The following PCOLCE variants were observed in gnomAD, a reference collection of about 807,000 sequenced individuals.
PCOLCE encodes the protein procollagen C-endopeptidase enhancer 1.
PCOLCE carries 33 observed loss-of-function variants against 47.2 expected under a neutral mutation model. That is an observed-to-expected ratio of 0.70 (90% CI 0.53 to 0.93). PCOLCE has a LOEUF of 0.93. Ranked by LOEUF, PCOLCE falls within the 40% of genes least tolerant of loss-of-function variation. The probability of loss-of-function intolerance (pLI) is 0.00; values close to 1 mark genes in which losing one functional copy is unlikely to be tolerated. For synonymous variants in PCOLCE, 254 were observed against 252.5 expected (o/e 1.01, Z -0.06); for missense variants, 584 against 585.3 (o/e 1.00, Z 0.02).
Position 100,605,214 on chromosome 7 carries a change from A to C in PCOLCE, c.587A>C (p.Gln196Pro). Residue 196 changes from glutamine (Q) to proline (P), a missense_variant and splice_region_variant, in exon 4 of 9, where the codon CAG (glutamine) becomes CCG (proline). Physicochemically the swap from Gln to Pro is moderately conservative, Grantham distance 76 (BLOSUM62 -1). Coordinates refer to ENST00000223061, the MANE Select transcript of PCOLCE (RefSeq NM_002593.4). The surrounding 1 kb of genome is among the most constrained non-coding windows in gnomAD (Gnocchi z 6.1). ...TGGCACATCATCGCGCCCCCGGACCAGGTACCGACCCTCCTCCCCGGGCTG... is the reference window on the plus strand; with the variant it reads ...TGGCACATCATCGCGCCCCCGGACCCGGTACCGACCCTCCTCCCCGGGCTG... Reference protein sequence around the residue: ...CSWHIIAPPDQVIALTFEKFD... With the variant: ...CSWHIIAPPDPVIALTFEKFD... 1 of 1,611,104 alleles carries C rather than the reference A, an allele frequency of 6.2e-7. No individual in the cohort carries two copies. The highest frequency in any genetic ancestry group is 8.5e-7 in the Non-Finnish European group (1 of 1,178,496).
At position 100,605,841 on chromosome 7, in the gene PCOLCE, G is replaced by T; in HGVS notation, c.725+29G>T. ...AGGGGCGGGACCTGGGCGAGTCCGG[G>T]AGAGAGTCGGCGGACCGCACGCACG... is the stretch of plus-strand genomic sequence containing the variant. On this transcript the variant is annotated intron_variant, in intron 5 of 8. Transcript: ENST00000223061. This position sits in a 1 kb window ranked among gnomAD's most constrained non-coding sequence, Gnocchi z 6.1. The T allele has an allele frequency of 2.6e-6, 4 of 1,545,362 alleles. No homozygotes were observed. The highest frequency in any genetic ancestry group is 3.5e-6 in the Non-Finnish European group (4 of 1,143,062).
chr7:100,605,014 T>A lies in PCOLCE; in HGVS notation c.464-77T>A. 1 of 1,058,264 alleles carries A rather than the reference T, an allele frequency of 9.4e-7. No homozygotes were observed. Among genetic ancestry groups the A allele is most frequent in the South Asian group, 1.4e-5 (1 of 69,300 alleles). The allele number at this position is 1,058,264 out of a possible 1,614,324, so 65.6% of individuals were successfully genotyped here. A position where few individuals can be genotyped will look rare whatever the true frequency, so the allele number is the denominator to read the frequency against. On this transcript the variant is annotated intron_variant, in intron 3 of 8. Transcript: ENST00000223061. This position sits in a 1 kb window ranked among gnomAD's most constrained non-coding sequence, Gnocchi z 6.1. The stretch of plus-strand genomic sequence containing the variant: ...AGACATCCGAGCTGCCTGCCGGGGC[T>A]CCCAGCCTAGAGTTCTCCTGAAGCT...
chr7:100,603,434 G>C lies in PCOLCE; in HGVS notation c.100G>C (p.Val34Leu), dbSNP rs1802647892. ...GACCCCTTTTCTGTTCTCCAGACCC[G>C]TGTTCCTGTGCGGAGGGGATGTGAA... ...QGQTPNYTRP[V>L]FLCGGDVKGE... is the part of the protein sequence containing the mutation. The change falls in exon 2 of 9, where the codon GTG becomes CTG. Residue 34 changes from valine (V) to leucine (L), a missense_variant. Physicochemically the swap from Val to Leu is conservative, Grantham distance 32. Coordinates refer to ENST00000223061, the MANE Select transcript of PCOLCE (RefSeq NM_002593.4). The C allele has an allele frequency of 1.3e-6, 2 of 1,521,834 alleles. No homozygotes were observed. Among genetic ancestry groups the C allele is most frequent in the Non-Finnish European group, 1.8e-6 (2 of 1,121,180 alleles). The allele number at this position is 1,521,834 out of a possible 1,614,324, so 94.3% of individuals were successfully genotyped here. A position where few individuals can be genotyped will look rare whatever the true frequency, so the allele number is the denominator to read the frequency against.
chr7:100,607,747 C>T lies in PCOLCE; in HGVS notation c.1123C>T (p.Pro375Ser), dbSNP rs747886014. Residue 375 changes from proline (P) to serine (S), a missense_variant, in exon 8 of 9, where the codon CCC (proline) becomes TCC (serine). Transcript: ENST00000223061. ...KTGGLDLPSPPTGASLKFYVP... is the reference protein window; with the variant it reads ...KTGGLDLPSPSTGASLKFYVP... ...TGGAGGACTGGACCTGCCTTCTCCA[C>T]CCACTGGTGCCTCCCTGAAGTTTTA... is the stretch of plus-strand genomic sequence containing the variant. 15 of 1,614,006 alleles carry T rather than the reference C, an allele frequency of 9.3e-6. No homozygotes were observed. The highest frequency in any genetic ancestry group is 1.6e-4 in the Middle Eastern group (1 of 6,082).
Position 100,604,209 on chromosome 7 carries a change from C to T in PCOLCE, c.455C>T (p.Ser152Leu). 1.2e-6 allele frequency: 2 copies of T among 1,611,102 alleles called. No individual in the cohort carries two copies. The highest frequency in any genetic ancestry group is 1.3e-5 in the African/African-American group (1 of 74,978). Residue 152 changes from serine (S) to leucine (L), a missense_variant, in exon 3 of 9, where the codon TCG becomes TTG. By Grantham distance (145) the Ser-to-Leu change is moderately radical. Coordinates refer to ENST00000223061, the MANE Select transcript of PCOLCE (RefSeq NM_002593.4). This position sits in a 1 kb window ranked among gnomAD's most constrained non-coding sequence, Gnocchi z 6.4. ...FLLWYSGRAT[S>L]GTEHQFCGGR... Reference sequence around the variant, plus strand: ...CTCTGGTACAGCGGGCGGGCCACCTCGGGCACTGGTGAGAACTCCCTCACC... The same window carrying T: ...CTCTGGTACAGCGGGCGGGCCACCTTGGGCACTGGTGAGAACTCCCTCACC...
Position 100,605,332 on chromosome 7 carries a change from G to T in PCOLCE, c.588+117G>T. ...CCCGAGCACTGCGCTTGCGCTGGTG[G>T]GCACCCAAAACAGCCCCAACCCCTG... is the stretch of plus-strand genomic sequence containing the variant. On this transcript the variant is annotated intron_variant, in intron 4 of 8. Coordinates refer to ENST00000223061, the MANE Select transcript of PCOLCE (RefSeq NM_002593.4). This position sits in a 1 kb window ranked among gnomAD's most constrained non-coding sequence, Gnocchi z 6.1. 1 of 1,117,002 alleles carries T rather than the reference G, an allele frequency of 9.0e-7. No individual in the cohort carries two copies. The allele number at this position is 1,117,002 out of a possible 1,614,324, so 69.2% of individuals were successfully genotyped here.
chr7:100,602,579 C>A (rs778691579), intron 1 of PCOLCE, 28 bp downstream of exon 1: 2 of 1,398,236 alleles, frequency 1.4e-6, no homozygotes. Context: ...TTCCAGACAG[C>A]TCCAGTGAAC....
At chr7:100,602,756 C>T in intron 1 of PCOLCE, 2 of 584,814 alleles carry the variant, frequency 3.4e-6, no homozygotes, top group East Asian at 2.9e-5. Flanking sequence ...TCCCATTCCC[C>T]CACCTTCGTC....
rs201230606 is a variant in PCOLCE, at chr7:100,602,540, C to G, written c.84C>G (p.Pro28=). Residue 28 remains proline (P), a synonymous_variant, in exon 1 of 9, where the codon CCC becomes CCG. Coordinates refer to ENST00000223061, the MANE Select transcript of PCOLCE (RefSeq NM_002593.4). ...TGCCTTTTGCCCAGGGCCAGACCCCCAACTACACCAGGTAGGTCTCTTGGC... is the reference window on the plus strand; with the variant it reads ...TGCCTTTTGCCCAGGGCCAGACCCCGAACTACACCAGGTAGGTCTCTTGGC... ...ALLPFAQGQT[P]NYTRPVFLCG... The G allele has an allele frequency of 1.9e-6, 3 of 1,602,898 alleles. No homozygotes were observed. The highest frequency in any genetic ancestry group is 1.7e-6 in the Non-Finnish European group (2 of 1,170,456).
At position 100,606,467 on chromosome 7, in the gene PCOLCE, C is replaced by G. The variant is rs779456887; in HGVS notation, c.777C>G (p.Leu259=). The G allele has an allele frequency of 3.1e-6, 5 of 1,614,126 alleles. No individual in the cohort carries two copies. Among genetic ancestry groups the G allele is most frequent in the Non-Finnish European group, 4.2e-6 (5 of 1,179,964 alleles). The part of the protein sequence containing the change: ...NELLVQFVSD[L]SVTADGFSAS... ...TCCTCGTCCAGTTCGTCTCAGATCTCAGTGTCACCGCTGATGGCTTCTCAG... is the reference window on the plus strand; with the variant it reads ...TCCTCGTCCAGTTCGTCTCAGATCTGAGTGTCACCGCTGATGGCTTCTCAG... The change falls in exon 6 of 9, where the codon CTC becomes CTG. Residue 259 remains leucine (L), a synonymous_variant. Transcript: ENST00000223061.
Position 100,604,291 on chromosome 7 carries a change from C to T in PCOLCE, c.463+74C>T. 1 of 1,347,388 alleles carries T rather than the reference C, an allele frequency of 7.4e-7. No individual in the cohort carries two copies. The highest frequency in any genetic ancestry group is 1.0e-6 in the Non-Finnish European group (1 of 1,001,358). The allele number at this position is 1,347,388 out of a possible 1,614,324, so 83.5% of individuals were successfully genotyped here. A position where few individuals can be genotyped will look rare whatever the true frequency, so the allele number is the denominator to read the frequency against. On this transcript the variant is annotated intron_variant, in intron 3 of 8. Transcript: ENST00000223061. This position sits in a 1 kb window ranked among gnomAD's most constrained non-coding sequence, Gnocchi z 6.4. Reference sequence around the variant, plus strand: ...GCCGCAGCCCCGCCCCCAGCCCTAACCTCCGCCCCGCCCACCCCGCGCCCC... The same window carrying T: ...GCCGCAGCCCCGCCCCCAGCCCTAATCTCCGCCCCGCCCACCCCGCGCCCC...
rs2734885 is a variant in PCOLCE at position 100,604,292 on chromosome 7, C to T, written c.463+75C>T. Reference sequence around the variant, plus strand: ...CCGCAGCCCCGCCCCCAGCCCTAACCTCCGCCCCGCCCACCCCGCGCCCCA... The same window carrying T: ...CCGCAGCCCCGCCCCCAGCCCTAACTTCCGCCCCGCCCACCCCGCGCCCCA... On this transcript the variant is annotated intron_variant, in intron 3 of 8. Coordinates refer to ENST00000223061, the MANE Select transcript of PCOLCE (RefSeq NM_002593.4). The surrounding 1 kb of genome is among the most constrained non-coding windows in gnomAD (Gnocchi z 6.4). The T allele has an allele frequency of 7.4e-7, 1 of 1,356,414 alleles. No individual in the cohort carries two copies. Among genetic ancestry groups the T allele is most frequent in the African/African-American group, 1.4e-5 (1 of 69,132 alleles). The allele number at this position is 1,356,414 out of a possible 1,614,324, so 84.0% of individuals were successfully genotyped here.
chr7:100,604,335 C>A lies in PCOLCE; in HGVS notation c.463+118C>A. The A allele has an allele frequency of 1.2e-6, 1 of 840,654 alleles. No individual in the cohort carries two copies. The highest frequency in any genetic ancestry group is 1.8e-6 in the Non-Finnish European group (1 of 547,584). 52.1% of individuals were successfully genotyped at this position (840,654 alleles called of 1,614,324 possible). A position where few individuals can be genotyped will look rare whatever the true frequency, so the allele number is the denominator to read the frequency against. ...GCGCCCCAGTGCCTAGGGCCCCCTA[C>A]CTCCCTGACCCATTTTCCTCACTAA... On this transcript the variant is annotated intron_variant, in intron 3 of 8. Transcript: ENST00000223061. The surrounding 1 kb of genome is among the most constrained non-coding windows in gnomAD (Gnocchi z 6.4).
At chr7:100,603,613 C>A (rs575217137) in intron 2 of PCOLCE, 75 bp downstream of exon 2, 4 of 634,578 alleles carry the variant, frequency 6.3e-6, no homozygotes, top group Admixed American at 6.3e-5. Flanking sequence ...AGGGACCCCC[C>A]CCCCGTCCCC....
rs1802696548 is a variant in PCOLCE, at chr7:100,605,431, T to G, written c.588+216T>G. 1.5e-6 allele frequency: 1 copy of G among 655,582 alleles called. No individual in the cohort carries two copies. The highest frequency in any genetic ancestry group is 1.8e-5 in the African/African-American group (1 of 54,878). The allele number at this position is 655,582 out of a possible 1,614,324, so 40.6% of individuals were successfully genotyped here. ...GAGAGCGAGGTACAGGGTCCTGGTA[T>G]AACACGCGGGCCTGTCACTTGTGAG... On this transcript the variant is annotated intron_variant, in intron 4 of 8. Transcript: ENST00000223061. The surrounding 1 kb of genome is among the most constrained non-coding windows in gnomAD (Gnocchi z 6.1).
rs1802685612 is a variant in PCOLCE, at chr7:100,604,936, T to C, written c.464-155T>C. 1.7e-6 allele frequency: 1 copy of C among 579,088 alleles called. No homozygotes were observed. The highest frequency in any genetic ancestry group is 2.9e-5 in the East Asian group (1 of 34,144). 35.9% of individuals were successfully genotyped at this position (579,088 alleles called of 1,614,324 possible). A position where few individuals can be genotyped will look rare whatever the true frequency, so the allele number is the denominator to read the frequency against. On this transcript the variant is annotated intron_variant, in intron 3 of 8. Coordinates refer to ENST00000223061, the MANE Select transcript of PCOLCE (RefSeq NM_002593.4). This position sits in a 1 kb window ranked among gnomAD's most constrained non-coding sequence, Gnocchi z 6.4. Reference sequence around the variant, plus strand: ...CGCGCTCCTCCCGGCCGCTCTCTGTTAACCTGCCCCCATCTTACCTCCCCT... The same window carrying C: ...CGCGCTCCTCCCGGCCGCTCTCTGTCAACCTGCCCCCATCTTACCTCCCCT...
Position 100,604,270 on chromosome 7 carries a change from C to T in PCOLCE, c.463+53C>T. The stretch of plus-strand genomic sequence containing the variant: ...CCCCCTCCAGGCCCCGCCCCGGCCG[C>T]AGCCCCGCCCCCAGCCCTAACCTCC... On this transcript the variant is annotated intron_variant, in intron 3 of 8. Coordinates refer to ENST00000223061, the MANE Select transcript of PCOLCE (RefSeq NM_002593.4). The surrounding 1 kb of genome is among the most constrained non-coding windows in gnomAD (Gnocchi z 6.4). 6.8e-7 allele frequency: 1 copy of T among 1,477,514 alleles called. No homozygotes were observed. The allele number at this position is 1,477,514 out of a possible 1,614,324, so 91.5% of individuals were successfully genotyped here. A position where few individuals can be genotyped will look rare whatever the true frequency, so the allele number is the denominator to read the frequency against.
chr7:100,606,078 T>TAG (rs2131289529), intron 5 of PCOLCE: 1 of 547,922 alleles, frequency 1.8e-6, no homozygotes, highest in East Asian at 3.2e-5. Context: ...CCTGTAATCA[T>TAG]AGCACTTTGG....
rs1017555890 is a variant in PCOLCE at position 100,607,448 on chromosome 7, C to A, written c.941-4C>A. On this transcript the variant is annotated splice_polypyrimidine_tract_variant and splice_region_variant and intron_variant, in intron 6 of 8. Transcript: ENST00000223061. ...AGGTCACCCTCCACCCTCCTCCCTC[C>A]TAGATGCACCCACCTGCCCAAAGCA... is the stretch of plus-strand genomic sequence containing the variant. 8.7e-6 allele frequency: 14 copies of A among 1,613,512 alleles called. No individual in the cohort carries two copies. In the African/African-American group the frequency reaches 1.7e-4, roughly 20 times the overall value.
Sources: allele counts gnomAD v4.1 joint callset, GRCh38; gene constraint gnomAD v4.1.1; non-coding constraint Gnocchi (gnomAD v3.1); transcripts MANE v1.5; gene names NCBI Gene and HGNC (gene_info 2026-07-23, HGNC 2026-07-21).